The following SEL1L2 variants were observed in gnomAD, a reference collection of about 807,000 sequenced individuals.
SEL1L2 encodes the protein protein sel-1 homolog 2.
Under a neutral mutation model 98.8 loss-of-function variants are expected in SEL1L2, and 89 were observed. The observed-to-expected ratio is 0.90, with a 90% CI of 0.76 to 1.07. The LOEUF is 1.07. Among genes scored for constraint, SEL1L2 ranks in the 50% least tolerant of loss-of-function variants. SEL1L2 has a pLI of 0.00. For missense variants in SEL1L2, 788 were observed against 812.0 expected, an observed-to-expected ratio of 0.97 and a Z score of 0.36; for synonymous variants, 262 against 278.5, an observed-to-expected ratio of 0.94 and a Z score of 0.59.
At chr20:13,965,079 G>T (rs921170179) in intron 1 of SEL1L2, among the ~76,000 whole-genome samples, 12 of 152,042 alleles carry the variant, frequency 7.9e-5, no homozygotes, top group African/African-American at 2.9e-4. Flanking sequence ...AGCTGGGCCA[G>T]TGGGGAGTTT....
At chr20:13,968,182 T>C (rs2051134443) in intron 1 of SEL1L2, among the ~76,000 whole-genome samples, 1 of 152,254 alleles carries the variant, frequency 6.6e-6, no homozygotes, top group African/African-American at 2.4e-5. Context: ...ACTAGGTTTT[T>C]ATTTATTCTT....
chr20:13,891,221 T>G (rs2148020779), intron 5 of SEL1L2, among the ~76,000 whole-genome samples: 1 of 152,074 alleles, frequency 6.6e-6, no homozygotes, highest in African/African-American at 2.4e-5. Flanking sequence ...TACAATCAAG[T>G]TTTCAAAAGT....
intron 2 of SEL1L2, among the ~76,000 whole-genome samples, chr20:13,947,882 AGCAGCTGGT>A (rs1229671089): frequency 6.6e-6 from 1 of 152,250 alleles, no homozygotes. Flanking sequence ...ACTCTGCCAC[AGCAGCTGGT>A]GTGCCTGGCT....
intron 5 of SEL1L2, among the ~76,000 whole-genome samples, chr20:13,910,210 G>A (rs2048155556): frequency 6.6e-6 from 1 of 152,190 alleles, no homozygotes; most frequent in South Asian, 2.1e-4. Flanking sequence ...GAGCTCAGAT[G>A]TAAAGCCAGA....
At chr20:13,872,484 T>C (rs1463214209) in intron 12 of SEL1L2, among the ~76,000 whole-genome samples, 2 of 152,148 alleles carry the variant, frequency 1.3e-5, no homozygotes, top group Non-Finnish European at 2.9e-5. Context: ...TCTGCCATGA[T>C]TGTACATTTT....
chr20:13,852,808 T>C (rs1988491759), intron 18 of SEL1L2, among the ~76,000 whole-genome samples: 1 of 152,234 alleles, frequency 6.6e-6, no homozygotes, highest in South Asian at 2.1e-4. Context: ...ATGAAAATTG[T>C]ACAATTGCCC....
At chr20:13,943,064 A>G (rs948943481) in intron 2 of SEL1L2, among the ~76,000 whole-genome samples, 5 of 152,210 alleles carry the variant, frequency 3.3e-5, no homozygotes, top group Non-Finnish European at 2.9e-5. Flanking sequence ...TCCCTTGTAG[A>G]GAAGAAGTAA....
chr20:13,984,643 A>G (rs1189561834), intron 1 of SEL1L2, among the ~76,000 whole-genome samples: 1 of 151,926 alleles, frequency 6.6e-6, no homozygotes, highest in Non-Finnish European at 1.5e-5. Context: ...CTACTGCCAA[A>G]GTCTCTCTCT....
In SEL1L2 at chr20:13,945,572, A is replaced by T. The variant is rs182208098; in HGVS notation, c.114+10504T>A. ...TCTTCCAAAAAATTGCAGAGGAGGG[A>T]ACACTTTCAAACTTATTCTATGAGG... On this transcript the variant is annotated intron_variant, in intron 2 of 19. Transcript: ENST00000284951. Among the ~76,000 whole-genome samples the T allele has an allele frequency of 1.6e-3, 244 of 152,104 alleles. No homozygotes were observed. In the Middle Eastern group the frequency reaches 0.024, roughly 15 times the overall value.
chr20:13,941,218 T>G (rs1282185395), intron 2 of SEL1L2, among the ~76,000 whole-genome samples: 1 of 152,136 alleles, frequency 6.6e-6, no homozygotes, highest in Non-Finnish European at 1.5e-5. Flanking sequence ...AAGAACAGGT[T>G]GATGGCCCCT....
At chr20:13,900,074 T>A (rs1343909846) in intron 5 of SEL1L2, among the ~76,000 whole-genome samples, 1 of 152,200 alleles carries the variant, frequency 6.6e-6, no homozygotes, top group Non-Finnish European at 1.5e-5. Context: ...TTTTATAGAA[T>A]TTCCCAGTAA....
intron 5 of SEL1L2, among the ~76,000 whole-genome samples, chr20:13,908,099 G>C (rs2048047989): frequency 1.1e-5 from 1 of 89,446 alleles, no homozygotes; most frequent in Non-Finnish European, 2.2e-5. Flanking sequence ...TCAATTTCTT[G>C]GTTCTTTTTT....
intron 19 of SEL1L2, 95 bp from the exon 20 acceptor site, chr20:13,849,699 C>T: frequency 2.8e-6 from 4 of 1,425,314 alleles, no homozygotes; most frequent in Admixed American, 2.0e-5. Context: ...ACCAACCCTC[C>T]TCCCACCCAT....
chr20:13,989,317 T>G (rs539725638), intron 1 of SEL1L2, among the ~76,000 whole-genome samples: 164 of 152,324 alleles, frequency 1.1e-3, no homozygotes, highest in Non-Finnish European at 1.8e-3. Flanking sequence ...TTTTTTGTAT[T>G]TATCCTGCAT....
chr20:13,970,458 T>G (rs1047141940), intron 1 of SEL1L2, among the ~76,000 whole-genome samples: 2 of 152,208 alleles, frequency 1.3e-5, no homozygotes, highest in African/African-American at 4.8e-5. Context: ...ATGCTCATTT[T>G]AAATATTAAT....
chr20:13,911,280 G>A (rs112698842), intron 5 of SEL1L2, among the ~76,000 whole-genome samples: 27 of 152,318 alleles, frequency 1.8e-4, no homozygotes, highest in African/African-American at 6.5e-4. Flanking sequence ...TTGACACATA[G>A]TAGCTATCCA....
intron 18 of SEL1L2, among the ~76,000 whole-genome samples, chr20:13,857,210 T>C (rs944819886): frequency 2.0e-5 from 3 of 151,926 alleles, no homozygotes; most frequent in African/African-American, 7.3e-5. Flanking sequence ...TGATTTTTTT[T>C]TTTTTTTAAT....
At chr20:13,852,757 T>C (rs1968570914) in intron 18 of SEL1L2, among the ~76,000 whole-genome samples, 1 of 152,244 alleles carries the variant, frequency 6.6e-6, no homozygotes, top group Admixed American at 6.5e-5. Context: ...CTTCTTTTAA[T>C]TCAAAGATAC....
intron 18 of SEL1L2, 125 bp downstream of exon 18, chr20:13,859,137 C>T: frequency 2.3e-6 from 2 of 872,656 alleles, no homozygotes; most frequent in Non-Finnish European, 3.6e-6. Context: ...ATGGATTTGG[C>T]AAATGTTAAG....
Sources: gnomAD v4.1 joint callset for allele counts (sites outside exome capture counted in the v4.1 genomes callset) on GRCh38, gnomAD v4.1.1 for gene constraint, MANE v1.5 for transcripts, NCBI Gene and HGNC (gene_info 2026-07-23, HGNC 2026-07-21) for gene names.